Variants in LGSN observed in about 807,000 individuals in gnomAD.
LGSN encodes lengsin.
A neutral mutation model predicts 19.5 loss-of-function variants in LGSN; 21 were observed. The ratio of observed to expected loss-of-function variants is 1.07; its 90% CI spans 0.76 to 1.55. The LOEUF is 1.55. LGSN is among the 40% of genes most tolerant of loss of function. The pLI, the probability that LGSN is intolerant of heterozygous loss-of-function variation, is 0.00. For missense variants in LGSN, 673 were observed against 608.5 expected, an observed-to-expected ratio of 1.11 and a Z score of -1.12; for synonymous variants, 257 against 215.6, an observed-to-expected ratio of 1.19 and a Z score of -1.68.
At chr6:63,424,128 T>C in the LGSN span, among the ~76,000 whole-genome samples, 1 of 152,038 alleles carries the variant, frequency 6.6e-6, no homozygotes, top group Non-Finnish European at 1.5e-5. Context: ...ATATTACCAA[T>C]ATCAGAAATA....
At chr6:63,294,616 A>G (rs1252426548) in intron 2 of LGSN, among the ~76,000 whole-genome samples, 1 of 151,896 alleles carries the variant, frequency 6.6e-6, no homozygotes, top group Non-Finnish European at 1.5e-5. Flanking sequence ...ATTCATTTTC[A>G]GAGCAGAAAA....
At chr6:63,412,665 GAAGGAAAGGAAGA>G in the LGSN span, among the ~76,000 whole-genome samples, 292 of 120,254 alleles carry the variant, frequency 2.4e-3, 1 homozygote, top group African/African-American at 0.01. Flanking sequence ...GGAAGGAAAG[GAAGGAAAGGAAGA>G]AAGAAAGAAA....
At chr6:63,518,863 G>C in the LGSN span, among the ~76,000 whole-genome samples, 1 of 152,130 alleles carries the variant, frequency 6.6e-6, no homozygotes, top group Admixed American at 6.5e-5. Flanking sequence ...GGTAACTCTT[G>C]AAGACTGTTT....
chr6:63,420,000 T>C, the LGSN span, among the ~76,000 whole-genome samples: 2 of 139,596 alleles, frequency 1.4e-5, no homozygotes, highest in East Asian at 2.2e-4. Flanking sequence ...GGTCAGAAGA[T>C]TGAGACCATG....
the LGSN span, among the ~76,000 whole-genome samples, chr6:63,367,277 G>T: frequency 6.6e-6 from 1 of 152,130 alleles, no homozygotes; most frequent in African/African-American, 2.4e-5. Flanking sequence ...AAAAGTGGGT[G>T]AAGGACATGA....
At chr6:63,412,567 A>AAAGAAAGGAAGG in the LGSN span, among the ~76,000 whole-genome samples, 42 of 121,586 alleles carry the variant, frequency 3.5e-4, no homozygotes, top group East Asian at 1.1e-3. Flanking sequence ...AGAAAGAAAG[A>AAAGAAAGGAAGG]AAGGAAGGAA....
At chr6:63,324,156 C>G (rs907804159), upstream of LGSN, among the ~76,000 whole-genome samples, 22 of 152,118 alleles carry the variant, frequency 1.4e-4, no homozygotes, top group Admixed American at 5.2e-4. Flanking sequence ...AATGAAAAGG[C>G]AAATAGAGTC....
At chr6:63,313,131 T>C (rs1768695965) in intron 1 of LGSN, among the ~76,000 whole-genome samples, 1 of 152,016 alleles carries the variant, frequency 6.6e-6, no homozygotes, top group Non-Finnish European at 1.5e-5. Flanking sequence ...ATTTAAATGG[T>C]GCACAGTAAA....
At chr6:63,357,611 T>C in the LGSN span, among the ~76,000 whole-genome samples, 1 of 152,262 alleles carries the variant, frequency 6.6e-6, no homozygotes, top group Non-Finnish European at 1.5e-5. Context: ...CATGTGTCTT[T>C]TGGCTGCATA....
At chr6:63,411,213 T>C in the LGSN span, among the ~76,000 whole-genome samples, 1 of 152,170 alleles carries the variant, frequency 6.6e-6, no homozygotes, top group Non-Finnish European at 1.5e-5. Flanking sequence ...ATATTCGTGA[T>C]TTGGAATTTT....
chr6:63,431,587 A>G, the LGSN span, among the ~76,000 whole-genome samples: 1 of 152,284 alleles, frequency 6.6e-6, no homozygotes, highest in East Asian at 1.9e-4. Flanking sequence ...CATGAGCTTT[A>G]TTTTTCCATT....
the LGSN span, among the ~76,000 whole-genome samples, chr6:63,428,048 G>A: frequency 6.6e-6 from 1 of 152,002 alleles, no homozygotes; most frequent in African/African-American, 2.4e-5. Context: ...AAAGTAAATT[G>A]TCATTAAAAA....
chr6:63,306,817 C>A (rs1019545194), intron 1 of LGSN, among the ~76,000 whole-genome samples: 10 of 152,136 alleles, frequency 6.6e-5, no homozygotes, highest in African/African-American at 2.4e-4. Context: ...TAAAACGTGG[C>A]CCTCGTGTTG....
chr6:63,447,724 A>G, the LGSN span, among the ~76,000 whole-genome samples: 1 of 152,214 alleles, frequency 6.6e-6, no homozygotes, highest in Non-Finnish European at 1.5e-5. Flanking sequence ...AACTATAAAT[A>G]TAATAAATAT....
chr6:63,494,430 G>T, the LGSN span, among the ~76,000 whole-genome samples: 2 of 152,108 alleles, frequency 1.3e-5, no homozygotes, highest in African/African-American at 4.8e-5. Context: ...AGGAGTAAGA[G>T]TGCCAAGAAA....
At chr6:63,387,073 C>G in the LGSN span, among the ~76,000 whole-genome samples, 11 of 152,144 alleles carry the variant, frequency 7.2e-5, no homozygotes, top group South Asian at 1.7e-3. Context: ...CGTGCTCCAG[C>G]CTGGGCAACA....
the LGSN span, among the ~76,000 whole-genome samples, chr6:63,400,514 G>A: frequency 2.9e-4 from 44 of 152,258 alleles, no homozygotes; most frequent in East Asian, 4.1e-3. Context: ...CAAGGGCTCC[G>A]CACGAACATA....
intron 1 of LGSN, among the ~76,000 whole-genome samples, chr6:63,302,530 C>T (rs1437805644): frequency 2.0e-5 from 3 of 152,104 alleles, no homozygotes; most frequent in South Asian, 4.1e-4. Flanking sequence ...AAGAAGTTGA[C>T]CAGTTTATAA....
chr6:63,421,252 C>T, the LGSN span, among the ~76,000 whole-genome samples: 1 of 151,340 alleles, frequency 6.6e-6, no homozygotes, highest in Middle Eastern at 3.4e-3. Flanking sequence ...CAAAAACCCA[C>T]CTCTACTAAG....
Sources: gnomAD v4.1 joint callset for allele counts (sites outside exome capture counted in the v4.1 genomes callset) on GRCh38, gnomAD v4.1.1 for gene constraint, MANE v1.5 for transcripts, NCBI Gene and HGNC (gene_info 2026-07-23, HGNC 2026-07-21) for gene names.